MON2: variants seen among roughly 807,000 people sequenced by gnomAD.
MON2 encodes protein MON2 homolog.
A neutral mutation model predicts 208.6 loss-of-function variants in MON2; 84 were observed. That is an observed-to-expected ratio of 0.40 (90% CI 0.34 to 0.48). The LOEUF is 0.48. Among genes scored for constraint, MON2 ranks in the 20% least tolerant of loss-of-function variants. The pLI is 0.59. For synonymous variants in MON2, 660 were observed against 694.0 expected (o/e 0.95, Z 0.77); for missense variants, 1,611 against 2,015.4 (o/e 0.80, Z 3.84).
rs902736150 is a variant in MON2 at position 62,597,026 on chromosome 12, C to T, written c.*4277C>T. On this transcript the variant is annotated 3_prime_UTR_variant, in exon 35 of 35. Transcript: ENST00000393630. ...CTCTAGGCATGTTGACTTTTCAAAG[C>T]GGTTTCCTTATTTCTAAACAGAGAT... 6 of 152,116 alleles carry T rather than the reference C, an allele frequency of 3.9e-5. No individual in the cohort carries two copies. The highest frequency in any genetic ancestry group is 7.2e-5 in the African/African-American group (3 of 41,424). The allele number at this position is 152,116 out of a possible 1,614,324, so 9.4% of individuals were successfully genotyped here. A position where few individuals can be genotyped will look rare whatever the true frequency, so the allele number is the denominator to read the frequency against.
intron 32 of MON2, among the ~76,000 whole-genome samples, chr12:62,583,855 G>A (rs1307721153): frequency 1.3e-5 from 2 of 150,864 alleles, no homozygotes; most frequent in South Asian, 2.1e-4. Context: ...AGCTACTCGG[G>A]AGTCTGAGGT....
At chr12:62,481,353 C>T (rs577924743) in intron 1 of MON2, among the ~76,000 whole-genome samples, 7 of 151,926 alleles carry the variant, frequency 4.6e-5, no homozygotes, top group Non-Finnish European at 1.0e-4. Flanking sequence ...GGTGAAACCT[C>T]GTCTCTACTA....
chr12:62,483,035 AAAAAAAAGGGG>A (rs2069541380), intron 1 of MON2: 1 of 151,944 alleles, frequency 6.6e-6, no homozygotes, highest in African/African-American at 2.4e-5. Context: ...TCCTGTCTCT[AAAAAAAAGGGG>A]AAAAAAAGTA....
chr12:62,532,501 A>G lies in MON2; in HGVS notation c.1464A>G (p.Ala488=), dbSNP rs2072703106. 3 of 1,614,156 alleles carry G rather than the reference A, an allele frequency of 1.9e-6. No individual in the cohort carries two copies. The highest frequency in any genetic ancestry group is 2.5e-6 in the Non-Finnish European group (3 of 1,180,024). ...CTGAAGGTTACGCCATGTCTGTGGC[A>G]TTCCATTGTTTGCTAGACCTTGTTC... ...TIPEGYAMSV[A]FHCLLDLVRG... is the part of the protein sequence containing the mutation. Residue 488 remains alanine (A), a synonymous_variant, in exon 12 of 35, where the codon GCA becomes GCG. Coordinates refer to ENST00000393630, the MANE Select transcript of MON2 (RefSeq NM_015026.3).
intron 34 of MON2, among the ~76,000 whole-genome samples, chr12:62,591,595 C>CT (rs2075400039): frequency 6.6e-6 from 1 of 152,202 alleles, no homozygotes; most frequent in Admixed American, 6.5e-5. Flanking sequence ...TGCCAAACTA[C>CT]TTTATCATGA....
In MON2 at chr12:62,545,025, T is replaced by G. The variant is rs758374941; in HGVS notation, c.2577+17T>G. 1 of 1,491,014 alleles carries G rather than the reference T, an allele frequency of 6.7e-7. No individual in the cohort carries two copies. Among genetic ancestry groups the G allele is most frequent in the East Asian group, 2.3e-5 (1 of 43,778 alleles). The allele number at this position is 1,491,014 out of a possible 1,614,324, so 92.4% of individuals were successfully genotyped here. ...CAAAACCAGGTAATAAAAACCTTAC[T>G]TTTTAAAAAGAATACTCAATATAAA... On this transcript the variant is annotated intron_variant, in intron 21 of 34. Transcript: ENST00000393630.
chr12:62,541,332 G>A (rs992107407), intron 19 of MON2, among the ~76,000 whole-genome samples: 3 of 146,960 alleles, frequency 2.0e-5, no homozygotes, highest in Admixed American at 6.9e-5. Context: ...CCAAGATTGC[G>A]CCATTGCACT....
intron 33 of MON2, 39 bp from the exon 34 acceptor site, chr12:62,588,035 T>G (rs752496556): frequency 1.1e-5 from 15 of 1,398,886 alleles, no homozygotes; most frequent in Non-Finnish European, 1.5e-5. Context: ...CTGGCAACTT[T>G]AAAATCTTAA....
intron 11 of MON2, among the ~76,000 whole-genome samples, chr12:62,531,313 T>C (rs1307831766): frequency 2.0e-5 from 3 of 152,188 alleles, no homozygotes; most frequent in African/African-American, 7.2e-5. Flanking sequence ...TAGTGAAGAT[T>C]TTTACCCATG....
chr12:62,585,582 G>GT (rs2075196015), intron 33 of MON2, 81 bp downstream of exon 33: 1 of 1,111,330 alleles, frequency 9.0e-7, no homozygotes, highest in Admixed American at 2.7e-5. Flanking sequence ...AAAAGCAAGT[G>GT]TTTTTGTAAG....
At chr12:62,524,424 T>C in intron 8 of MON2, 91 bp from the exon 9 acceptor site, 1 of 975,370 alleles carries the variant, frequency 1.0e-6, no homozygotes, top group Non-Finnish European at 1.5e-6. Flanking sequence ...TTTTATTGGT[T>C]TGTCCATAGC....
rs769440631 is a variant in MON2, at chr12:62,534,841, T to C, written c.1634-4T>C. ...TTAAATATTGTATGTTTTTTTCCTTTAAGTTAGTAGGGCTGTTTGGGAAGA... is the reference window on the plus strand; with the variant it reads ...TTAAATATTGTATGTTTTTTTCCTTCAAGTTAGTAGGGCTGTTTGGGAAGA... On this transcript the variant is annotated splice_polypyrimidine_tract_variant and splice_region_variant and intron_variant, in intron 12 of 34. Coordinates refer to ENST00000393630, the MANE Select transcript of MON2 (RefSeq NM_015026.3). 6.2e-7 allele frequency: 1 copy of C among 1,605,518 alleles called. No individual in the cohort carries two copies. Among genetic ancestry groups the C allele is most frequent in the Non-Finnish European group, 8.5e-7 (1 of 1,172,944 alleles).
chr12:62,569,949 A>T (rs572504422), intron 29 of MON2, among the ~76,000 whole-genome samples: 7 of 152,346 alleles, frequency 4.6e-5, no homozygotes, highest in African/African-American at 1.4e-4. Flanking sequence ...TCCTTGAAAT[A>T]TGAAAATTTT....
At chr12:62,488,544 G>A (rs1031516298) in intron 2 of MON2, among the ~76,000 whole-genome samples, 4 of 152,106 alleles carry the variant, frequency 2.6e-5, no homozygotes, top group African/African-American at 9.7e-5. Flanking sequence ...TCAGGGAAGT[G>A]ACACGTTCAT....
chr12:62,556,474 C>A (rs962222258), intron 25 of MON2, among the ~76,000 whole-genome samples: 3 of 152,114 alleles, frequency 2.0e-5, no homozygotes, highest in Non-Finnish European at 2.9e-5. Flanking sequence ...AGGAGTGGTA[C>A]TTTGTGAGCT....
At chr12:62,487,843 A>G (rs2069888117) in intron 2 of MON2, among the ~76,000 whole-genome samples, 2 of 152,174 alleles carry the variant, frequency 1.3e-5, no homozygotes, top group African/African-American at 4.8e-5. Flanking sequence ...CTATATGGAA[A>G]TACAAGAAAT....
chr12:62,484,353 G>A, intron 2 of MON2, 120 bp downstream of exon 2: 1 of 636,942 alleles, frequency 1.6e-6, no homozygotes, highest in Non-Finnish European at 2.8e-6. Flanking sequence ...CCTAACATAT[G>A]CTATTCATAA....
At chr12:62,535,376 A>T in intron 13 of MON2, 149 bp from the exon 14 acceptor site, 1 of 623,234 alleles carries the variant, frequency 1.6e-6, no homozygotes, top group Non-Finnish European at 2.6e-6. Context: ...TTAATAGATT[A>T]AAATTCCTTC....
intron 8 of MON2, among the ~76,000 whole-genome samples, chr12:62,517,616 A>C (rs935999382): frequency 9.9e-5 from 15 of 152,216 alleles, no homozygotes; most frequent in Non-Finnish European, 2.1e-4. Flanking sequence ...CACCATGTGA[A>C]GACAAAGGAA....
Sources: gnomAD v4.1 joint callset for allele counts (sites outside exome capture counted in the v4.1 genomes callset) on GRCh38, gnomAD v4.1.1 for gene constraint, MANE v1.5 for transcripts, NCBI Gene and HGNC (gene_info 2026-07-23, HGNC 2026-07-21) for gene names.